Variants in GABBR2 observed in about 807,000 individuals in gnomAD.
GABBR2 encodes G-protein coupled receptor 51.
GABBR2 carries 23 observed loss-of-function variants against 105.6 expected under a neutral mutation model. That is an observed-to-expected ratio of 0.22 (90% confidence interval 0.16 to 0.31). The LOEUF (loss-of-function observed/expected upper bound fraction) is 0.31. GABBR2 is among the 10% of genes least tolerant of loss of function. The pLI, the probability that GABBR2 is intolerant of heterozygous loss-of-function variation, is 1.00. For missense variants in GABBR2, 734 were observed against 1,245.5 expected (o/e 0.59, Z 6.18); for synonymous variants, 478 against 499.7 (o/e 0.96, Z 0.58).
At chr9:98,369,717 T>TGGGATGA (rs1392796079) in intron 12 of GABBR2, among the ~76,000 whole-genome samples, 3 of 151,252 alleles carry the variant, frequency 2.0e-5, no homozygotes, top group Non-Finnish European at 1.5e-5. Context: ...CATGTTCCAC[T>TGGGATGA]GGGATGAGCC....
intron 5 of GABBR2, among the ~76,000 whole-genome samples, chr9:98,479,934 AT>A (rs1287743189): frequency 1.3e-5 from 2 of 152,194 alleles, no homozygotes. Context: ...TTGTTCTAAT[AT>A]AATATGTTAG....
intron 17 of GABBR2, among the ~76,000 whole-genome samples, chr9:98,295,677 T>C (rs1469948045): frequency 6.6e-6 from 1 of 152,056 alleles, no homozygotes. Context: ...AGGCACGTGC[T>C]ACCATGCCCG....
At chr9:98,426,061 G>A (rs1215114030) in intron 7 of GABBR2, among the ~76,000 whole-genome samples, 3 of 152,212 alleles carry the variant, frequency 2.0e-5, no homozygotes, top group Non-Finnish European at 4.4e-5. Flanking sequence ...ACATAGGGCT[G>A]TGAGGAGCTC....
chr9:98,361,440 G>C (rs1482853290), intron 13 of GABBR2, among the ~76,000 whole-genome samples: 1 of 152,172 alleles, frequency 6.6e-6, no homozygotes, highest in Non-Finnish European at 1.5e-5. Flanking sequence ...GGCCCAGTTA[G>C]CCAATGATAG....
chr9:98,309,135 A>G (rs1286351835), intron 14 of GABBR2, among the ~76,000 whole-genome samples: 1 of 152,222 alleles, frequency 6.6e-6, no homozygotes, highest in Admixed American at 6.5e-5. Flanking sequence ...GGCTGGGGAC[A>G]GTTCCTTGCA....
chr9:98,408,142 C>A lies in GABBR2; in HGVS notation c.1237-2001G>T, dbSNP rs550418469. ...AGCTGAAATCAAAAGATGTTAAGCACCAGAGAGCTTTCCAGCCCTTGGGAA... is the reference window on the plus strand; with the variant it reads ...AGCTGAAATCAAAAGATGTTAAGCAACAGAGAGCTTTCCAGCCCTTGGGAA... On this transcript the variant is annotated intron_variant, in intron 7 of 18. Coordinates refer to ENST00000259455, the MANE Select transcript of GABBR2 (RefSeq NM_005458.8). Among the ~76,000 whole-genome samples, 3 of 152,128 alleles carry A rather than the reference C, an allele frequency of 2.0e-5. No homozygotes were observed. The East Asian group carries it at 5.8e-4, about 29-fold the overall frequency.
rs150681816 is a variant in GABBR2 at position 98,542,026 on chromosome 9, G to C, written c.477C>G (p.Thr159=). 1 of 1,614,078 alleles carries C rather than the reference G, an allele frequency of 6.2e-7. No homozygotes were observed. The highest frequency in any genetic ancestry group is 1.3e-5 in the African/African-American group (1 of 75,066). Residue 159 remains threonine, a synonymous_variant, in exon 3 of 19, where the codon ACC becomes ACG. Transcript: ENST00000259455. ...TTTTCTTATCGGCTAGAACAGGCGT[G>C]GTTGCAGCAAAAGAAAGCTGAAAAA... ...WNLVQLSFAA[T]TPVLADKKKY... is the part of the protein sequence containing the mutation.
intron 3 of GABBR2, among the ~76,000 whole-genome samples, chr9:98,509,651 A>T (rs1208808011): frequency 6.6e-6 from 1 of 152,254 alleles, no homozygotes; most frequent in Non-Finnish European, 1.5e-5. Flanking sequence ...AATGCGATCA[A>T]CTGGAAGAAA....
chr9:98,620,827 T>C (rs1006009917), intron 1 of GABBR2, among the ~76,000 whole-genome samples: 3 of 152,068 alleles, frequency 2.0e-5, no homozygotes, highest in African/African-American at 7.2e-5. Context: ...CAGAGCCCAG[T>C]CTGAATCCCA....
Position 98,463,638 on chromosome 9 carries a change from G to A in GABBR2, c.1000-9421C>T, listed in dbSNP as rs190097750. On this transcript the variant is annotated intron_variant, in intron 6 of 18. Coordinates refer to ENST00000259455, the MANE Select transcript of GABBR2 (RefSeq NM_005458.8). The stretch of plus-strand genomic sequence containing the variant: ...CGCTCTCGCTCTCCGTCTCGCTCTC[G>A]CTCTCCGTCTCCCTCTTTCTACAGT... Among the ~76,000 whole-genome samples the A allele has an allele frequency of 1.4e-3, 217 of 150,644 alleles. 2 individuals carry two copies. Among genetic ancestry groups the A allele is most frequent in the Non-Finnish European group, 2.2e-4 (15 of 67,920 alleles).
intron 1 of GABBR2, among the ~76,000 whole-genome samples, chr9:98,586,298 T>G (rs1372495734): frequency 2.0e-5 from 3 of 146,652 alleles, no homozygotes; most frequent in African/African-American, 7.3e-5. Context: ...TTTTTTTTTT[T>G]TTTTGTTTGT....
chr9:98,401,416 T>C (rs945872584), intron 8 of GABBR2, among the ~76,000 whole-genome samples: 2 of 152,136 alleles, frequency 1.3e-5, no homozygotes, highest in African/African-American at 4.8e-5. Context: ...ACCCAATACC[T>C]GTAAAATATG....
intron 13 of GABBR2, among the ~76,000 whole-genome samples, chr9:98,321,785 C>G (rs956052342): frequency 2.0e-5 from 3 of 152,212 alleles, no homozygotes; most frequent in Admixed American, 6.5e-5. Context: ...GACGACAGCA[C>G]AGTTGTGTGG....
chr9:98,338,138 C>T (rs762010723), intron 13 of GABBR2, among the ~76,000 whole-genome samples: 13 of 152,150 alleles, frequency 8.5e-5, no homozygotes, highest in Non-Finnish European at 1.8e-4. Context: ...GGATCAAATA[C>T]CTAAATGTAA....
At chr9:98,395,336 T>A (rs7032844) in intron 8 of GABBR2, among the ~76,000 whole-genome samples, 1 of 151,814 alleles carries the variant, frequency 6.6e-6, no homozygotes, top group African/African-American at 2.4e-5. Context: ...AGTTCCATCT[T>A]GGATGTGCTG....
rs752246802 is a variant in GABBR2 at position 98,473,130 on chromosome 9, G to T, written c.999+16C>A. On this transcript the variant is annotated intron_variant, in intron 6 of 18. Coordinates refer to ENST00000259455, the MANE Select transcript of GABBR2 (RefSeq NM_005458.8). ...GAGGTGGGCCAGAAGGTTGAAATGG[G>T]GACCAAGGCACTGACCTTTCCTGAG... 6.3e-7 allele frequency: 1 copy of T among 1,599,650 alleles called. No homozygotes were observed. Among genetic ancestry groups the T allele is most frequent in the East Asian group, 2.2e-5 (1 of 44,744 alleles).
intron 1 of GABBR2, among the ~76,000 whole-genome samples, chr9:98,652,262 A>T (rs1167834373): frequency 6.6e-6 from 1 of 152,140 alleles, no homozygotes; most frequent in Non-Finnish European, 1.5e-5. Context: ...ACCTAGGAAT[A>T]CAGAAGCCAT....
At chr9:98,682,602 C>G (rs1302848237) in intron 1 of GABBR2, among the ~76,000 whole-genome samples, 1 of 152,028 alleles carries the variant, frequency 6.6e-6, no homozygotes, top group Non-Finnish European at 1.5e-5. Flanking sequence ...TCTTGAACTC[C>G]TGACCTCAGG....
intron 1 of GABBR2, among the ~76,000 whole-genome samples, chr9:98,584,591 GGCTCC>G (rs1393609724): frequency 2.0e-5 from 3 of 152,120 alleles, no homozygotes; most frequent in Non-Finnish European, 4.4e-5. Context: ...GAAAAAGTGA[GGCTCC>G]AGATGAAATC....
Sources: gnomAD v4.1 joint callset for allele counts (sites outside exome capture counted in the v4.1 genomes callset) on GRCh38, gnomAD v4.1.1 for gene constraint, MANE v1.5 for transcripts, NCBI Gene and HGNC (gene_info 2026-07-23, HGNC 2026-07-21) for gene names.